Variants in FARS2 observed in about 807,000 individuals in gnomAD.
The protein encoded by FARS2 is phenylalanine--tRNA ligase, mitochondrial.
A neutral mutation model predicts 46.4 loss-of-function variants in FARS2; 40 were observed. That is an observed-to-expected ratio of 0.86 (90% CI 0.67 to 1.12). The LOEUF is 1.12. FARS2 is among the 50% of genes most tolerant of loss of function. FARS2 has a pLI of 0.00. For missense variants in FARS2, 513 were observed against 567.9 expected (o/e 0.90, Z 0.98); for synonymous variants, 234 against 214.9 (o/e 1.09, Z -0.78).
At chr6:5,301,802 T>TAGAC in intron 1 of FARS2, among the ~76,000 whole-genome samples, 1 of 132,430 alleles carries the variant, frequency 7.6e-6, no homozygotes, top group Admixed American at 7.5e-5. Context: ...CACACACACA[T>TAGAC]ACACACACAC....
At chr6:5,694,511 G>A (rs1249900782) in intron 6 of FARS2, among the ~76,000 whole-genome samples, 5 of 152,134 alleles carry the variant, frequency 3.3e-5, no homozygotes. Context: ...TTAAATAATT[G>A]AGTTCTTTGG....
At chr6:5,575,906 G>A (rs937359138) in intron 5 of FARS2, among the ~76,000 whole-genome samples, 1 of 152,056 alleles carries the variant, frequency 6.6e-6, no homozygotes, top group Non-Finnish European at 1.5e-5. Flanking sequence ...GTGCTGTTTT[G>A]TCCTTTTCAA....
At chr6:5,281,609 C>T (rs1766728823) in intron 1 of FARS2, among the ~76,000 whole-genome samples, 1 of 152,134 alleles carries the variant, frequency 6.6e-6, no homozygotes, top group Admixed American at 6.5e-5. Flanking sequence ...ACTCCTTAAA[C>T]AGCAGCTCCC....
At chr6:5,380,477 C>T (rs56029319) in intron 2 of FARS2, among the ~76,000 whole-genome samples, 32,826 of 152,128 alleles carry the variant, frequency 0.22, 4,267 homozygotes, top group East Asian at 0.41. Flanking sequence ...CTGCATTTCT[C>T]TGCCTGGTGT....
At chr6:5,388,527 A>G (rs909733581) in intron 2 of FARS2, among the ~76,000 whole-genome samples, 3 of 152,136 alleles carry the variant, frequency 2.0e-5, no homozygotes, top group Admixed American at 6.5e-5. Context: ...ATATTTGCCC[A>G]TGATTTTTAA....
chr6:5,640,441 C>T (rs1366144249), intron 6 of FARS2, among the ~76,000 whole-genome samples: 2 of 152,300 alleles, frequency 1.3e-5, no homozygotes, highest in East Asian at 1.9e-4. Flanking sequence ...GAGCTTCCCC[C>T]GAGTTGGAGC....
intron 6 of FARS2, among the ~76,000 whole-genome samples, chr6:5,651,906 C>A (rs1211289365): frequency 6.6e-6 from 1 of 152,166 alleles, no homozygotes; most frequent in African/African-American, 2.4e-5. Flanking sequence ...TACCACGCCT[C>A]ACCCCCTTGA....
intron 4 of FARS2, among the ~76,000 whole-genome samples, chr6:5,531,561 A>G (rs1329242525): frequency 3.3e-5 from 5 of 152,216 alleles, no homozygotes; most frequent in Non-Finnish European, 5.9e-5. Flanking sequence ...TGTAAGACCC[A>G]GAGACTCTCA....
intron 4 of FARS2, among the ~76,000 whole-genome samples, chr6:5,509,629 G>T (rs1161221501): frequency 6.6e-6 from 1 of 152,192 alleles, no homozygotes; most frequent in African/African-American, 2.4e-5. Context: ...CGATAATGAT[G>T]GAGAAAAGGA....
At chr6:5,338,265 C>G (rs375563995) in intron 1 of FARS2, among the ~76,000 whole-genome samples, 53 of 152,274 alleles carry the variant, frequency 3.5e-4, no homozygotes, top group African/African-American at 1.2e-3. Context: ...GAATTTCCTA[C>G]TAACTAACTT....
chr6:5,271,221 C>T (rs1028723216), intron 1 of FARS2, among the ~76,000 whole-genome samples: 4 of 152,104 alleles, frequency 2.6e-5, no homozygotes, highest in East Asian at 1.9e-4. Flanking sequence ...TCCTCTCTCT[C>T]GGTTATGGGA....
chr6:5,486,731 C>T (rs1333336186), intron 4 of FARS2, among the ~76,000 whole-genome samples: 2 of 152,178 alleles, frequency 1.3e-5, no homozygotes, highest in Non-Finnish European at 2.9e-5. Flanking sequence ...CATTGCTTTC[C>T]TTCATCCCCC....
chr6:5,256,491 GAAAAAAAAAAAAAAAAAAAA>G (rs1161084364), upstream of FARS2, among the ~76,000 whole-genome samples: 3 of 43,882 alleles, frequency 6.8e-5, no homozygotes, highest in Admixed American at 3.4e-4. Context: ...ATTTCAACTG[GAAAAAAAAAAAAAAAAAAAA>G]AAAAAAAAAA....
chr6:5,269,199 G>A (rs1273072913), intron 1 of FARS2, among the ~76,000 whole-genome samples: 3 of 152,196 alleles, frequency 2.0e-5, no homozygotes, highest in Admixed American at 2.0e-4. Context: ...GGACATGGAT[G>A]AAGCTGGAAA....
chr6:5,756,529 C>T (rs941514876), intron 6 of FARS2, among the ~76,000 whole-genome samples: 37 of 152,308 alleles, frequency 2.4e-4, no homozygotes, highest in African/African-American at 8.4e-4. Context: ...GGAAGCACTA[C>T]ACACTTTCAA....
intron 1 of FARS2, among the ~76,000 whole-genome samples, chr6:5,282,317 A>G (rs1249822671): frequency 6.6e-6 from 1 of 152,222 alleles, no homozygotes; most frequent in African/African-American, 2.4e-5. Context: ...GCAAGCAGGC[A>G]TGAGAGGCAG....
chr6:5,338,629 A>AT (rs1771337079), intron 1 of FARS2, among the ~76,000 whole-genome samples: 1 of 118,616 alleles, frequency 8.4e-6, no homozygotes, highest in African/African-American at 3.3e-5. Flanking sequence ...CTCTCTGATT[A>AT]TCTCAGGTAT....
upstream of FARS2, among the ~76,000 whole-genome samples, chr6:5,258,742 A>C (rs2127786059): frequency 6.6e-6 from 1 of 152,302 alleles, no homozygotes; most frequent in Non-Finnish European, 1.5e-5. Context: ...TTGGATAGTA[A>C]ATTTAGCTTA....
chr6:5,671,121 C>G (rs1420625879), intron 6 of FARS2, among the ~76,000 whole-genome samples: 1 of 152,192 alleles, frequency 6.6e-6, no homozygotes, highest in Non-Finnish European at 1.5e-5. Context: ...CAGACAAACC[C>G]TGAGGTGGCT....
Sources: gnomAD v4.1 joint callset for allele counts (sites outside exome capture counted in the v4.1 genomes callset) on GRCh38, gnomAD v4.1.1 for gene constraint, MANE v1.5 for transcripts, NCBI Gene and HGNC (gene_info 2026-07-23, HGNC 2026-07-21) for gene names.